The following DIAPH1 variants were observed in gnomAD, a reference collection of about 807,000 sequenced individuals.
The protein encoded by DIAPH1 is diaphanous related formin 1.
Under a neutral mutation model 140.7 loss-of-function variants are expected in DIAPH1, and 46 were observed. The ratio of observed to expected loss-of-function variants is 0.33; its 90% CI spans 0.26 to 0.42. DIAPH1 has a LOEUF of 0.42. Ranked by LOEUF, DIAPH1 falls within the 10% of genes least tolerant of loss-of-function variation. The pLI is 1.00. For synonymous variants in DIAPH1, 565 were observed against 551.6 expected (o/e 1.02, Z -0.34); for missense variants, 1,310 against 1,558.7 (o/e 0.84, Z 2.69).
At chr5:141,605,431 GCA>G (rs1387587719) in intron 1 of DIAPH1, among the ~76,000 whole-genome samples, 7 of 151,852 alleles carry the variant, frequency 4.6e-5, no homozygotes, top group South Asian at 4.1e-4. Context: ...CAAAAAAAAA[GCA>G]CACACAAAAA....
intron 18 of DIAPH1, chr5:141,557,736 G>T (rs1010507256): frequency 2.0e-5 from 3 of 152,160 alleles, no homozygotes; most frequent in Non-Finnish European, 4.4e-5. Flanking sequence ...GTAGGTGTCC[G>T]GCAGCCAAAC....
chr5:141,528,643 C>A, intron 22 of DIAPH1, 59 bp downstream of exon 22: 1 of 1,614,272 alleles, frequency 6.2e-7, no homozygotes, highest in South Asian at 1.1e-5. Flanking sequence ...CCTGCCAACA[C>A]TGAACTCATA....
intron 1 of DIAPH1, among the ~76,000 whole-genome samples, chr5:141,604,119 T>C (rs1190898420): frequency 1.3e-5 from 2 of 152,210 alleles, no homozygotes; most frequent in East Asian, 1.9e-4. Flanking sequence ...GAAGTCCTAC[T>C]TTCCTATCAA....
intron 18 of DIAPH1, among the ~76,000 whole-genome samples, chr5:141,551,311 C>T (rs911699364): frequency 6.6e-6 from 1 of 152,090 alleles, no homozygotes; most frequent in Non-Finnish European, 1.5e-5. Context: ...AAAAAATTAG[C>T]CAGGTGCGGT....
At chr5:141,542,711 G>T (rs1052434787) in intron 18 of DIAPH1, among the ~76,000 whole-genome samples, 1 of 152,178 alleles carries the variant, frequency 6.6e-6, no homozygotes, top group African/African-American at 2.4e-5. Flanking sequence ...GGAATGAGGA[G>T]CAACTGCTTA....
intron 1 of DIAPH1, among the ~76,000 whole-genome samples, chr5:141,609,126 T>C (rs1464401911): frequency 6.7e-6 from 1 of 149,186 alleles, no homozygotes; most frequent in Non-Finnish European, 1.5e-5. Flanking sequence ...AAAGGTTTAA[T>C]TAAGATTCTT....
intron 18 of DIAPH1, among the ~76,000 whole-genome samples, chr5:141,545,287 C>A (rs2099890615): frequency 1.3e-5 from 2 of 152,136 alleles, no homozygotes; most frequent in African/African-American, 4.8e-5. Flanking sequence ...TAAATTATAT[C>A]TCAGCAAACC....
chr5:141,605,151 A>G (rs1462180187), intron 1 of DIAPH1, among the ~76,000 whole-genome samples: 1 of 152,170 alleles, frequency 6.6e-6, no homozygotes, highest in East Asian at 1.9e-4. Context: ...TTTTATATAC[A>G]TTTGTATTTT....
At chr5:141,591,691 T>G (rs2099898433) in intron 1 of DIAPH1, among the ~76,000 whole-genome samples, 1 of 115,308 alleles carries the variant, frequency 8.7e-6, no homozygotes, top group Non-Finnish European at 1.7e-5. Flanking sequence ...GGAAGGGAGA[T>G]GGGGATATAT....
At chr5:141,571,509 C>T (rs377553579) in intron 17 of DIAPH1, 73 bp from the exon 18 acceptor site, 16 of 1,339,642 alleles carry the variant, frequency 1.2e-5, no homozygotes, top group Non-Finnish European at 1.7e-5. Context: ...AAAGGAATCA[C>T]ATATGGTTCT....
At chr5:141,527,066 C>T (rs2099887446) in intron 24 of DIAPH1, among the ~76,000 whole-genome samples, 1 of 152,068 alleles carries the variant, frequency 6.6e-6, no homozygotes. Context: ...CAGTGGTTAC[C>T]TCTGGGGAGG....
chr5:141,618,767 C>A, intron 1 of DIAPH1, 31 bp downstream of exon 1: 1 of 1,487,436 alleles, frequency 6.7e-7, no homozygotes, highest in Non-Finnish European at 9.2e-7. Context: ...GTTACGGGGC[C>A]AGGCAGGAGC....
At chr5:141,617,123 T>C (rs72792330) in intron 1 of DIAPH1, among the ~76,000 whole-genome samples, 18,780 of 150,236 alleles carry the variant, frequency 0.13, 1,237 homozygotes, top group South Asian at 0.16. Context: ...CTCATGGAAA[T>C]AAAATCAAAA....
In DIAPH1 at chr5:141,534,378, T is replaced by A; in HGVS notation, c.2538A>T (p.Val846=). ...TTGAATCCAACACCTTTAACTCTTTTACTTTTTTCTTTTGCACAGATTTCT... is the reference window on the plus strand; with the variant it reads ...TTGAATCCAACACCTTTAACTCTTTAACTTTTTTCTTTTGCACAGATTTCT... The part of the protein sequence containing the change: ...EEKKSVQKKK[V]KELKVLDSKT... The change falls in exon 19 of 28, where the codon GTA becomes GTT. Residue 846 remains valine (V), a synonymous_variant. Coordinates refer to ENST00000389054, the MANE Select transcript of DIAPH1 (RefSeq NM_005219.5). The A allele has an allele frequency of 6.2e-7, 1 of 1,613,960 alleles. No individual in the cohort carries two copies. The highest frequency in any genetic ancestry group is 8.5e-7 in the Non-Finnish European group (1 of 1,180,018).
At chr5:141,532,024 A>G (rs1464821107) in intron 19 of DIAPH1, among the ~76,000 whole-genome samples, 2 of 152,180 alleles carry the variant, frequency 1.3e-5, no homozygotes, top group African/African-American at 4.8e-5. Flanking sequence ...TAAAAATTAC[A>G]CAGGATAATC....
chr5:141,608,304 TTAAAAAA>T (rs1008850249), intron 1 of DIAPH1, among the ~76,000 whole-genome samples: 3 of 152,144 alleles, frequency 2.0e-5, no homozygotes, highest in African/African-American at 7.2e-5. Flanking sequence ...ACTCTGACTC[TTAAAAAA>T]TAAAAAATAA....
At chr5:141,578,720 C>T in intron 9 of DIAPH1, 95 bp from the exon 10 acceptor site, 1 of 914,324 alleles carries the variant, frequency 1.1e-6, no homozygotes, top group Non-Finnish European at 1.8e-6. Flanking sequence ...CCAATACAAC[C>T]TGAAAGATAC....
At chr5:141,578,043 G>T in intron 11 of DIAPH1, 182 bp downstream of exon 11, 1 of 678,630 alleles carries the variant, frequency 1.5e-6, no homozygotes, top group Non-Finnish European at 2.7e-6. Context: ...TGACTTCCCT[G>T]ATCTATGATA....
At chr5:141,541,785 T>C (rs1363504302) in intron 18 of DIAPH1, among the ~76,000 whole-genome samples, 1 of 146,046 alleles carries the variant, frequency 6.8e-6, no homozygotes, top group Non-Finnish European at 1.5e-5. Context: ...AATAAATAAA[T>C]AGAAAAGAGA....
Sources: gnomAD v4.1 joint callset for allele counts (sites outside exome capture counted in the v4.1 genomes callset) on GRCh38, gnomAD v4.1.1 for gene constraint, MANE v1.5 for transcripts, NCBI Gene and HGNC (gene_info 2026-07-23, HGNC 2026-07-21) for gene names.